Variants in TMEM221 observed in about 807,000 individuals in gnomAD.
TMEM221 encodes the protein Putative transmembrane protein ENSP00000342162.
Under a neutral mutation model 10.2 loss-of-function variants are expected in TMEM221, and 11 were observed. The observed-to-expected ratio is 1.08, with a 90% CI of 0.68 to 1.79. TMEM221 has a LOEUF of 1.79. Among genes scored for constraint, TMEM221 ranks in the 40% most tolerant of loss-of-function variants. The pLI, the probability that TMEM221 is intolerant of heterozygous loss-of-function variation, is 0.00. For missense variants in TMEM221, 382 were observed against 417.7 expected, an observed-to-expected ratio of 0.91 and a Z score of 0.75; for synonymous variants, 172 against 199.8, an observed-to-expected ratio of 0.86 and a Z score of 1.18.
At chr19:17,439,233 G>C in intron 2 of TMEM221, among the ~76,000 whole-genome samples, 1 of 149,466 alleles carries the variant, frequency 6.7e-6, no homozygotes, top group East Asian at 2.0e-4. Flanking sequence ...CCTCCCTGTT[G>C]GTGGAATACC....
chr19:17,439,300 T>A (rs976942250), intron 2 of TMEM221, among the ~76,000 whole-genome samples: 1 of 151,444 alleles, frequency 6.6e-6, no homozygotes, highest in African/African-American at 2.4e-5. Context: ...CATTCTACAA[T>A]GTGGATGAAC....
At chr19:17,445,137 G>T in intron 2 of TMEM221, 62 bp downstream of exon 2, 3 of 1,411,276 alleles carry the variant, frequency 2.1e-6, no homozygotes, top group South Asian at 1.2e-5. Context: ...CCAGTTAGGG[G>T]ACCATTGCTG....
In TMEM221 at chr19:17,442,446, T is replaced by C. The variant is rs1017847998; in HGVS notation, c.406+2753A>G. On this transcript the variant is annotated intron_variant, in intron 2 of 2. Transcript: ENST00000341130. ...GCTAATTTCTTTCTTTTCTTTCTTT[T>C]TTTTTTTTTTTTAGATGGCATCTCA... Among the ~76,000 whole-genome samples the C allele has an allele frequency of 1.5e-4, 22 of 149,444 alleles. 1 individual carries two copies. Among genetic ancestry groups the C allele is most frequent in the Admixed American group, 3.3e-4 (5 of 15,010 alleles).
At chr19:17,447,265 T>G (rs1328077026) in intron 1 of TMEM221, among the ~76,000 whole-genome samples, 3 of 151,620 alleles carry the variant, frequency 2.0e-5, no homozygotes, top group Non-Finnish European at 4.4e-5. Flanking sequence ...CAAATGATCC[T>G]CCTGCCTCTG....
chr19:17,448,129 G>T lies in TMEM221; in HGVS notation c.320+14C>A. 1 of 1,370,014 alleles carries T rather than the reference G, an allele frequency of 7.3e-7. No homozygotes were observed. 84.9% of individuals were successfully genotyped at this position (1,370,014 alleles called of 1,614,324 possible). A position where few individuals can be genotyped will look rare whatever the true frequency, so the allele number is the denominator to read the frequency against. ...CCAGCCGGGCCTCCGAGGCGGTGAGGCCAGTCCTCCTACCTCCTGGGGCCA... is the reference window on the plus strand; with the variant it reads ...CCAGCCGGGCCTCCGAGGCGGTGAGTCCAGTCCTCCTACCTCCTGGGGCCA... On this transcript the variant is annotated intron_variant, in intron 1 of 2. Transcript: ENST00000341130. This position sits in a 1 kb window ranked among gnomAD's most constrained non-coding sequence, Gnocchi z 4.7.
rs146872993 is a variant in TMEM221, at chr19:17,440,173, C to A, written c.407-3246G>T. On this transcript the variant is annotated intron_variant, in intron 2 of 2. Coordinates refer to ENST00000341130, the MANE Select transcript of TMEM221 (RefSeq NM_001190844.2). Reference sequence around the variant, plus strand: ...CTGCACTCCAGCCTGGGTGACACAGCGAGACCCTGTCTCAAAAAATGGAAA... The same window carrying A: ...CTGCACTCCAGCCTGGGTGACACAGAGAGACCCTGTCTCAAAAAATGGAAA... Among the ~76,000 whole-genome samples, 45 of 151,122 alleles carry A rather than the reference C, an allele frequency of 3.0e-4. No homozygotes were observed. The East Asian group carries it at 8.4e-3, about 28-fold the overall frequency.
In TMEM221 at chr19:17,448,272, G is replaced by T; in HGVS notation, c.191C>A (p.Ala64Asp). Reference protein sequence around the residue: ...GAGPGLPEDAAGTLLPLAAAL... With the variant: ...GAGPGLPEDADGTLLPLAAAL... ...GGCGGCCAGCGGCAGCAGCGTCCCG[G>T]CCGCGTCCTCTGGCAGCCCGGGGCC... Residue 64 changes from alanine (A) to aspartate (D), a missense_variant, in exon 1 of 3, where the codon GCC becomes GAC. By Grantham distance (126) the Ala-to-Asp change is moderately radical. Coordinates refer to ENST00000341130, the MANE Select transcript of TMEM221 (RefSeq NM_001190844.2). This position sits in a 1 kb window ranked among gnomAD's most constrained non-coding sequence, Gnocchi z 4.7. 8.1e-7 allele frequency: 1 copy of T among 1,236,490 alleles called. No homozygotes were observed. 76.6% of individuals were successfully genotyped at this position (1,236,490 alleles called of 1,614,324 possible). A position where few individuals can be genotyped will look rare whatever the true frequency, so the allele number is the denominator to read the frequency against.
chr19:17,445,628 G>C (rs1244512467), intron 1 of TMEM221, among the ~76,000 whole-genome samples: 1 of 144,026 alleles, frequency 6.9e-6, no homozygotes, highest in Non-Finnish European at 1.5e-5. Flanking sequence ...CCATCCATAT[G>C]CCCATTCATC....
At position 17,448,528 on chromosome 19, in the gene TMEM221, T is replaced by C; in HGVS notation, c.-66A>G. 7.8e-7 allele frequency: 1 copy of C among 1,285,104 alleles called. No individual in the cohort carries two copies. Among genetic ancestry groups the C allele is most frequent in the Non-Finnish European group, 1.0e-6 (1 of 996,036 alleles). The allele number at this position is 1,285,104 out of a possible 1,614,324, so 79.6% of individuals were successfully genotyped here. ...GAAGTGGTTTTAGAGGGCAGGGGAG[T>C]TGGGGGGAATCCGAGGGTCCTCAGG... On this transcript the variant is annotated 5_prime_UTR_variant, in exon 1 of 3. Transcript: ENST00000341130. This position sits in a 1 kb window ranked among gnomAD's most constrained non-coding sequence, Gnocchi z 4.7.
At chr19:17,444,723 ATATAT>A (rs931838006) in intron 2 of TMEM221, 12 of 143,676 alleles carry the variant, frequency 8.4e-5, no homozygotes, top group African/African-American at 1.8e-4. Flanking sequence ...ATAAATATAA[ATATAT>A]TATATAAATA....
chr19:17,436,557 C>T lies in TMEM221; in HGVS notation c.777G>A (p.Leu259=). 1 of 1,536,158 alleles carries T rather than the reference C, an allele frequency of 6.5e-7. No individual in the cohort carries two copies. The highest frequency in any genetic ancestry group is 8.7e-7 in the Non-Finnish European group (1 of 1,146,894). ...SLPASRMHRT[L]SAGLGHWDGV... ...CGTCCCAGTGCCCCAGGCCAGCCGA[C>T]AGTGTCCGGTGCATTCTGGATGCAG... Residue 259 remains leucine, a synonymous_variant, in exon 3 of 3, where the codon CTG becomes CTA. Coordinates refer to ENST00000341130, the MANE Select transcript of TMEM221 (RefSeq NM_001190844.2).
chr19:17,436,959 T>C, intron 2 of TMEM221, 32 bp from the exon 3 acceptor site: 1 of 1,368,712 alleles, frequency 7.3e-7, no homozygotes, highest in Non-Finnish European at 9.4e-7. Flanking sequence ...ATTTATTCAG[T>C]CAACAAACAT....
At chr19:17,438,514 T>G (rs1408113728) in intron 2 of TMEM221, among the ~76,000 whole-genome samples, 1 of 151,966 alleles carries the variant, frequency 6.6e-6, no homozygotes, top group Non-Finnish European at 1.5e-5. Context: ...CGTGAGCCAC[T>G]GTGTCCTACC....
At chr19:17,440,174 G>A (rs1203991108) in intron 2 of TMEM221, among the ~76,000 whole-genome samples, 3 of 151,322 alleles carry the variant, frequency 2.0e-5, no homozygotes, top group Admixed American at 6.6e-5. Context: ...GTGACACAGC[G>A]AGACCCTGTC....
chr19:17,440,258 G>A (rs971393000), intron 2 of TMEM221, among the ~76,000 whole-genome samples: 4 of 123,670 alleles, frequency 3.2e-5, no homozygotes, highest in African/African-American at 9.4e-5. Flanking sequence ...ATGGAATCTC[G>A]CTCTGTCACC....
rs1599615314 is a variant in TMEM221, at chr19:17,436,191, G to A, written c.*267C>T. The A allele has an allele frequency of 4.5e-5, 20 of 445,230 alleles. No homozygotes were observed. The East Asian group carries it at 7.4e-4, about 16-fold the overall frequency. The allele number at this position is 445,230 out of a possible 1,614,324, so 27.6% of individuals were successfully genotyped here. ...CCATTTCGCTCTGTTCTGGCCAGTGGGATATAAAAAGAAGGGTTTCGAGGC... is the reference window on the plus strand; with the variant it reads ...CCATTTCGCTCTGTTCTGGCCAGTGAGATATAAAAAGAAGGGTTTCGAGGC... On this transcript the variant is annotated 3_prime_UTR_variant, in exon 3 of 3. Transcript: ENST00000341130.
At position 17,445,289 on chromosome 19, in the gene TMEM221, A is replaced by T; in HGVS notation, c.321-5T>A. On this transcript the variant is annotated splice_polypyrimidine_tract_variant and splice_region_variant and intron_variant, in intron 1 of 2. Transcript: ENST00000341130. Reference sequence around the variant, plus strand: ...TCGTAGAGAAACCAGTCAGACCTGGAATGAAGGGGAGCAGGAAGATAAAGG... The same window carrying T: ...TCGTAGAGAAACCAGTCAGACCTGGTATGAAGGGGAGCAGGAAGATAAAGG... The T allele has an allele frequency of 6.5e-7, 1 of 1,534,012 alleles. No individual in the cohort carries two copies. Among genetic ancestry groups the T allele is most frequent in the South Asian group, 1.2e-5 (1 of 83,982 alleles).
intron 1 of TMEM221, among the ~76,000 whole-genome samples, chr19:17,446,463 G>A (rs1398460527): frequency 6.6e-6 from 1 of 152,068 alleles, no homozygotes; most frequent in African/African-American, 2.4e-5. Context: ...TGATTGAGGA[G>A]GAAGTGGAGG....
intron 2 of TMEM221, among the ~76,000 whole-genome samples, chr19:17,438,800 G>A (rs2074920044): frequency 6.6e-6 from 1 of 151,128 alleles, no homozygotes; most frequent in Admixed American, 6.6e-5. Context: ...GTTTCACCAT[G>A]TTGGTCAGGC....
Sources: gnomAD v4.1 joint callset for allele counts (sites outside exome capture counted in the v4.1 genomes callset) on GRCh38, gnomAD v4.1.1 for gene constraint, Gnocchi (gnomAD v3.1) non-coding constraint, MANE v1.5 for transcripts, NCBI Gene and HGNC (gene_info 2026-07-23, HGNC 2026-07-21) for gene names.